The following SPAG16 variants were observed in gnomAD, a reference collection of about 807,000 sequenced individuals.
SPAG16 encodes the protein sperm-associated antigen 16 protein.
A neutral mutation model predicts 80.4 loss-of-function variants in SPAG16; 86 were observed. The observed-to-expected ratio is 1.07, with a 90% CI of 0.90 to 1.28. The LOEUF (loss-of-function observed/expected upper bound fraction) is 1.28, where lower values mean the gene tolerates loss of function less well. SPAG16 is among the 50% of genes most tolerant of loss of function. SPAG16 has a pLI of 0.00. For missense variants in SPAG16, 870 were observed against 765.3 expected, an observed-to-expected ratio of 1.14 and a Z score of -1.61; for synonymous variants, 294 against 265.9, an observed-to-expected ratio of 1.11 and a Z score of -1.03.
At chr2:213,352,982 AT>A (rs1221252758) in intron 7 of SPAG16, among the ~76,000 whole-genome samples, 2 of 151,958 alleles carry the variant, frequency 1.3e-5, no homozygotes, top group Non-Finnish European at 2.9e-5. Flanking sequence ...ATTAGTGCTC[AT>A]TTTCTTCCTT....
chr2:214,074,284 C>G (rs529376196), intron 13 of SPAG16, among the ~76,000 whole-genome samples: 14 of 152,204 alleles, frequency 9.2e-5, no homozygotes, highest in Admixed American at 9.2e-4. Flanking sequence ...ACGGAAATCT[C>G]AACTAAGACA....
At chr2:213,524,095 C>A (rs1389510736) in intron 10 of SPAG16, among the ~76,000 whole-genome samples, 30 of 152,130 alleles carry the variant, frequency 2.0e-4, no homozygotes, top group Non-Finnish European at 1.5e-5. Context: ...GGGACCAGGG[C>A]CCCCTTGCTG....
At chr2:213,515,241 G>A (rs1208524193) in intron 10 of SPAG16, among the ~76,000 whole-genome samples, 1 of 152,014 alleles carries the variant, frequency 6.6e-6, no homozygotes, top group East Asian at 1.9e-4. Flanking sequence ...GGACTCAGTA[G>A]CCCCTACTGA....
intron 10 of SPAG16, among the ~76,000 whole-genome samples, chr2:213,748,166 A>G (rs1404625160): frequency 6.6e-6 from 1 of 152,226 alleles, no homozygotes; most frequent in Non-Finnish European, 1.5e-5. Context: ...AGAGTTGTTA[A>G]CAGCATAGTT....
At chr2:214,285,611 G>A (rs1202511721) in intron 15 of SPAG16, among the ~76,000 whole-genome samples, 4 of 152,014 alleles carry the variant, frequency 2.6e-5, no homozygotes, top group African/African-American at 9.7e-5. Flanking sequence ...AGACCAGCCT[G>A]GCCAACATGA....
At chr2:214,199,534 T>C (rs2057949670) in intron 15 of SPAG16, among the ~76,000 whole-genome samples, 1 of 78,060 alleles carries the variant, frequency 1.3e-5, no homozygotes, top group South Asian at 4.2e-4. Flanking sequence ...TCGGGTAATG[T>C]GATGCCTCTA....
chr2:213,742,304 C>G (rs959979330), intron 10 of SPAG16, among the ~76,000 whole-genome samples: 1 of 152,028 alleles, frequency 6.6e-6, no homozygotes, highest in African/African-American at 2.4e-5. Context: ...CATTTGTCTT[C>G]CCTTTCAAGA....
At chr2:213,564,492 C>CT (rs1206297817) in intron 10 of SPAG16, among the ~76,000 whole-genome samples, 1 of 120,964 alleles carries the variant, frequency 8.3e-6, no homozygotes, top group Non-Finnish European at 1.7e-5. Context: ...GGGACTCTGT[C>CT]TTAAAAAAAA....
intron 11 of SPAG16, among the ~76,000 whole-genome samples, chr2:213,884,162 A>G (rs2076464185): frequency 6.6e-6 from 1 of 152,092 alleles, no homozygotes; most frequent in African/African-American, 2.4e-5. Flanking sequence ...TTGATTCCAC[A>G]TTTAGCTTTC....
chr2:213,747,269 C>T (rs1266255717), intron 10 of SPAG16, among the ~76,000 whole-genome samples: 1 of 151,908 alleles, frequency 6.6e-6, no homozygotes, highest in Non-Finnish European at 1.5e-5. Flanking sequence ...GTGTCTTAAC[C>T]TAAGTGTTAT....
chr2:213,761,910 T>C (rs1200950335), intron 10 of SPAG16, among the ~76,000 whole-genome samples: 1 of 151,572 alleles, frequency 6.6e-6, no homozygotes, highest in Non-Finnish European at 1.5e-5. Flanking sequence ...AAAAAAACCC[T>C]ACAGACCAAT....
intron 15 of SPAG16, among the ~76,000 whole-genome samples, chr2:214,172,575 C>A (rs2056912177): frequency 6.6e-6 from 1 of 152,092 alleles, no homozygotes; most frequent in Non-Finnish European, 1.5e-5. Context: ...GTGCATGTGT[C>A]CTTATAGCAG....
intron 9 of SPAG16, among the ~76,000 whole-genome samples, chr2:213,470,983 A>G (rs2073045947): frequency 1.3e-5 from 2 of 152,220 alleles, no homozygotes; most frequent in African/African-American, 4.8e-5. Context: ...GAATCAGCAT[A>G]TAATCACACA....
intron 11 of SPAG16, among the ~76,000 whole-genome samples, chr2:213,893,310 C>T (rs10173834): frequency 0.59 from 90,203 of 151,620 alleles, 28,677 homozygotes; most frequent in South Asian, 0.85. Context: ...CAAAAAATAC[C>T]AAAGAGAGTT....
chr2:213,989,782 T>A (rs1388496403), intron 12 of SPAG16, among the ~76,000 whole-genome samples: 2 of 152,164 alleles, frequency 1.3e-5, no homozygotes, highest in African/African-American at 2.4e-5. Flanking sequence ...TGATTATACA[T>A]AAATATAGGG....
intron 15 of SPAG16, among the ~76,000 whole-genome samples, chr2:214,290,758 A>G (rs1003175649): frequency 1.3e-5 from 2 of 152,134 alleles, no homozygotes; most frequent in African/African-American, 4.8e-5. Flanking sequence ...TGTGATTTCT[A>G]TTTTATAAAA....
chr2:213,681,501 A>T (rs527410106), intron 10 of SPAG16, among the ~76,000 whole-genome samples: 2 of 152,264 alleles, frequency 1.3e-5, no homozygotes, highest in South Asian at 4.2e-4. Context: ...TCCAATTCCA[A>T]AGAGATCTGA....
intron 10 of SPAG16, among the ~76,000 whole-genome samples, chr2:213,722,633 A>G (rs1276968446): frequency 6.6e-6 from 1 of 152,216 alleles, no homozygotes; most frequent in Non-Finnish European, 1.5e-5. Flanking sequence ...GGAATTTCAC[A>G]TGAGATCAGG....
intron 10 of SPAG16, among the ~76,000 whole-genome samples, chr2:213,830,381 G>T (rs139520191): frequency 1.3e-5 from 2 of 152,242 alleles, no homozygotes; most frequent in Non-Finnish European, 2.9e-5. Flanking sequence ...GGTAGTGTTG[G>T]CAAATCAAGA....
Sources: allele counts gnomAD v4.1 joint callset (sites outside exome capture counted in the v4.1 genomes callset), GRCh38; gene constraint gnomAD v4.1.1; transcripts MANE v1.5; gene names NCBI Gene and HGNC (gene_info 2026-07-23, HGNC 2026-07-21).